Variants in RBFOX1 observed in about 807,000 individuals in gnomAD.
The protein encoded by RBFOX1 is RNA binding fox-1 homolog 1.
Under a neutral mutation model 57.7 loss-of-function variants are expected in RBFOX1, and 8 were observed. That is an observed-to-expected ratio of 0.14 (90% CI 0.08 to 0.25). RBFOX1 has a LOEUF of 0.25. Ranked by LOEUF, RBFOX1 falls within the 10% of genes least tolerant of loss-of-function variation. The probability of loss-of-function intolerance (pLI) is 1.00; values close to 1 mark genes in which losing one functional copy is unlikely to be tolerated. For synonymous variants in RBFOX1, 326 were observed against 222.4 expected, an observed-to-expected ratio of 1.47 and a Z score of -4.15; for missense variants, 611 against 548.5, an observed-to-expected ratio of 1.11 and a Z score of -1.14.
intron 1 of RBFOX1, among the ~76,000 whole-genome samples, chr16:6,036,708 C>G (rs1385234766): frequency 6.6e-6 from 1 of 152,160 alleles, no homozygotes; most frequent in Non-Finnish European, 1.5e-5. Flanking sequence ...CTCCTATTTC[C>G]TCTTCTGAGA....
intron 3 of RBFOX1, among the ~76,000 whole-genome samples, chr16:5,767,623 C>T (rs1001614764): frequency 2.6e-5 from 4 of 152,120 alleles, no homozygotes; most frequent in Non-Finnish European, 2.9e-5. Flanking sequence ...AAGGACACAA[C>T]GGGATTTGCC....
At chr16:6,215,263 G>A (rs377674732) in intron 1 of RBFOX1, among the ~76,000 whole-genome samples, 2 of 129,528 alleles carry the variant, frequency 1.5e-5, no homozygotes, top group African/African-American at 6.0e-5. Flanking sequence ...GAGAGAGAAG[G>A]GCAGAGGGAG....
chr16:7,079,625 C>T (rs2058848239), intron 4 of RBFOX1, among the ~76,000 whole-genome samples: 2 of 152,050 alleles, frequency 1.3e-5, no homozygotes, highest in Non-Finnish European at 1.5e-5. Flanking sequence ...CTCATAAAGC[C>T]TTTTGCGTTA....
At chr16:6,640,043 A>G (rs2098474544) in intron 2 of RBFOX1, among the ~76,000 whole-genome samples, 1 of 152,178 alleles carries the variant, frequency 6.6e-6, no homozygotes, top group African/African-American at 2.4e-5. Flanking sequence ...GAAATACAGA[A>G]ACTAAAGAAC....
At chr16:5,579,819 A>G (rs1480704959) in intron 2 of RBFOX1, among the ~76,000 whole-genome samples, 3 of 147,596 alleles carry the variant, frequency 2.0e-5, no homozygotes, top group Middle Eastern at 3.2e-3. Flanking sequence ...GGGTGCAGTC[A>G]CTCGATCTCA....
chr16:6,254,382 C>A (rs765480775), intron 1 of RBFOX1, among the ~76,000 whole-genome samples: 2 of 152,014 alleles, frequency 1.3e-5, no homozygotes, highest in Non-Finnish European at 2.9e-5. Flanking sequence ...GAATTTACGG[C>A]AATGAGATTG....
At position 6,289,610 on chromosome 16, in the gene RBFOX1, A is replaced by G. The variant is rs79322037; in HGVS notation, c.-126-27385A>G. On this transcript the variant is annotated intron_variant, in intron 1 of 15. Transcript: ENST00000550418. ...TGTCTTTCCGTCCTCTAGCTGTCCAATATCTGTTTAATCCACAAACAAGAC... is the reference window on the plus strand; with the variant it reads ...TGTCTTTCCGTCCTCTAGCTGTCCAGTATCTGTTTAATCCACAAACAAGAC... 5.9e-5 allele frequency among the ~76,000 whole-genome samples: 9 copies of G among 152,252 alleles called. No homozygotes were observed. The East Asian group carries it at 1.7e-3, about 29-fold the overall frequency.
chr16:7,040,028 T>C (rs1184687750), intron 3 of RBFOX1, among the ~76,000 whole-genome samples: 1 of 149,024 alleles, frequency 6.7e-6, no homozygotes, highest in African/African-American at 2.4e-5. Flanking sequence ...TTATCATTAT[T>C]ATTATTATTT....
At chr16:5,271,378 T>G (rs959083291) in intron 1 of RBFOX1, among the ~76,000 whole-genome samples, 2 of 120,436 alleles carry the variant, frequency 1.7e-5, no homozygotes, top group African/African-American at 6.0e-5. Context: ...TACATACACA[T>G]ACACATACAT....
At chr16:7,294,269 A>T (rs542291618) in intron 4 of RBFOX1, among the ~76,000 whole-genome samples, 2 of 152,062 alleles carry the variant, frequency 1.3e-5, no homozygotes, top group African/African-American at 2.4e-5. Context: ...AGTCCTGTGC[A>T]CTGGAAACAG....
intron 1 of RBFOX1, among the ~76,000 whole-genome samples, chr16:5,337,018 C>A (rs1418918061): frequency 6.6e-6 from 1 of 152,298 alleles, no homozygotes; most frequent in East Asian, 1.9e-4. Context: ...TTTCCAAGCT[C>A]CCCTGGAGAA....
intron 3 of RBFOX1, among the ~76,000 whole-genome samples, chr16:6,805,781 C>G (rs1279880490): frequency 1.3e-5 from 2 of 152,288 alleles, no homozygotes; most frequent in African/African-American, 2.4e-5. Flanking sequence ...GTGTAACACC[C>G]AAGCCATGTG....
At chr16:5,315,865 C>T (rs1174866293) in intron 1 of RBFOX1, among the ~76,000 whole-genome samples, 1 of 152,094 alleles carries the variant, frequency 6.6e-6, no homozygotes, top group South Asian at 2.1e-4. Flanking sequence ...TGTAGACGCA[C>T]CCTGATGCCA....
chr16:5,833,242 C>A (rs759604024), intron 3 of RBFOX1, among the ~76,000 whole-genome samples: 68 of 151,986 alleles, frequency 4.5e-4, no homozygotes, highest in Non-Finnish European at 9.6e-4. Flanking sequence ...GCCTGTAATC[C>A]CTGCACTTTG....
chr16:6,118,269 G>T lies in RBFOX1; in HGVS notation c.-127+98277G>T, dbSNP rs983832124. Reference sequence around the variant, plus strand: ...AATCCATTATTCCACATTGTTTTTAGTTGCCATATCACCTTATGTCTCAGT... The same window carrying T: ...AATCCATTATTCCACATTGTTTTTATTTGCCATATCACCTTATGTCTCAGT... On this transcript the variant is annotated intron_variant, in intron 1 of 15. Coordinates refer to ENST00000550418, the MANE Select transcript of RBFOX1 (RefSeq NM_018723.4). Among the ~76,000 whole-genome samples, 5 of 151,976 alleles carry T rather than the reference G, an allele frequency of 3.3e-5. No homozygotes were observed. In the South Asian group the frequency reaches 8.3e-4, roughly 25 times the overall value.
chr16:5,270,708 T>C, intron 1 of RBFOX1: 1 of 503,286 alleles, frequency 2.0e-6, no homozygotes, highest in South Asian at 1.8e-5. Context: ...TGCAGACAAA[T>C]GACTTGAAAG....
At position 6,370,496 on chromosome 16, in the gene RBFOX1, C is replaced by T. The variant is rs542520787; in HGVS notation, c.-64+53439C>T. Among the ~76,000 whole-genome samples the T allele has an allele frequency of 3.3e-5, 5 of 151,092 alleles. No homozygotes were observed. The East Asian group carries it at 5.8e-4, about 18-fold the overall frequency. On this transcript the variant is annotated intron_variant, in intron 2 of 15. Transcript: ENST00000550418. ...TTGTTTCAGCTGCTACAAAAAAGCA[C>T]GAGTCTTTTAAAAAGGAGTAAAATT... is the stretch of plus-strand genomic sequence containing the variant.
intron 3 of RBFOX1, among the ~76,000 whole-genome samples, chr16:6,933,586 A>G (rs2076905332): frequency 6.6e-6 from 1 of 152,156 alleles, no homozygotes; most frequent in African/African-American, 2.4e-5. Context: ...GGTGGCAAGC[A>G]CCTGTCATCC....
At chr16:5,747,564 G>A (rs191589924) in intron 3 of RBFOX1, among the ~76,000 whole-genome samples, 4 of 152,176 alleles carry the variant, frequency 2.6e-5, no homozygotes, top group African/African-American at 9.6e-5. Flanking sequence ...GAGAGCCTGT[G>A]ATTCGTCTGT....
Sources: gnomAD v4.1 joint callset for allele counts (sites outside exome capture counted in the v4.1 genomes callset) on GRCh38, gnomAD v4.1.1 for gene constraint, MANE v1.5 for transcripts, NCBI Gene and HGNC (gene_info 2026-07-23, HGNC 2026-07-21) for gene names.